TNFSF4: variants seen among roughly 807,000 people sequenced by gnomAD.
The protein encoded by TNFSF4 is tumor necrosis factor ligand superfamily member 4.
A neutral mutation model predicts 7.3 loss-of-function variants in TNFSF4; 4 were observed. The ratio of observed to expected loss-of-function variants is 0.55; its 90% CI spans 0.27 to 1.25. The LOEUF (loss-of-function observed/expected upper bound fraction) is 1.25. Among genes scored for constraint, TNFSF4 ranks in the 50% most tolerant of loss-of-function variants. The pLI is 0.12. For synonymous variants in TNFSF4, 76 were observed against 83.7 expected (o/e 0.91, Z 0.50); for missense variants, 181 against 208.8 (o/e 0.87, Z 0.82).
At chr1:173,187,056 A>G (rs1649260922) in intron 2 of TNFSF4, among the ~76,000 whole-genome samples, 191 bp from the exon 3 acceptor site, 1 of 147,182 alleles carries the variant, frequency 6.8e-6, no homozygotes. Context: ...GTCTCAAACA[A>G]AAAAAAAAAA....
chr1:173,350,773 G>C, the TNFSF4 span, among the ~76,000 whole-genome samples: 18 of 152,168 alleles, frequency 1.2e-4, no homozygotes, highest in Admixed American at 5.2e-4. Flanking sequence ...GTCTCACACT[G>C]GCAATTCAAT....
the TNFSF4 span, among the ~76,000 whole-genome samples, chr1:173,239,756 C>T: frequency 7.2e-5 from 11 of 152,078 alleles, no homozygotes; most frequent in Non-Finnish European, 1.5e-4. Flanking sequence ...TGGGACCGGG[C>T]ACAGTGGCTC....
the TNFSF4 span, among the ~76,000 whole-genome samples, chr1:173,431,860 C>T: frequency 6.6e-6 from 1 of 152,204 alleles, no homozygotes; most frequent in South Asian, 2.1e-4. Flanking sequence ...GAGTTCTCCT[C>T]CAGCCTCACT....
the TNFSF4 span, among the ~76,000 whole-genome samples, chr1:173,247,219 A>G: frequency 6.6e-6 from 1 of 152,202 alleles, no homozygotes; most frequent in African/African-American, 2.4e-5. Flanking sequence ...CCTGTCACTG[A>G]GTATCACTGC....
At chr1:173,315,498 G>A in the TNFSF4 span, among the ~76,000 whole-genome samples, 2 of 152,018 alleles carry the variant, frequency 1.3e-5, no homozygotes, top group Middle Eastern at 3.2e-3. Context: ...TTCAATAAAA[G>A]ACTACTGAAG....
the TNFSF4 span, among the ~76,000 whole-genome samples, chr1:173,333,240 G>A: frequency 2.6e-5 from 4 of 152,172 alleles, no homozygotes; most frequent in African/African-American, 9.6e-5. Flanking sequence ...GTTTCTGGAT[G>A]AATTAACACT....
the TNFSF4 span, among the ~76,000 whole-genome samples, chr1:173,222,690 GA>G: frequency 6.6e-6 from 1 of 152,232 alleles, no homozygotes; most frequent in African/African-American, 2.4e-5. Flanking sequence ...GAACTACAAT[GA>G]AAAATGAGTG....
chr1:173,222,182 G>C, the TNFSF4 span, among the ~76,000 whole-genome samples: 1 of 143,206 alleles, frequency 7.0e-6, no homozygotes, highest in Non-Finnish European at 1.5e-5. Context: ...TTATTATTTT[G>C]ACTACAGATC....
chr1:173,376,954 A>T, the TNFSF4 span, among the ~76,000 whole-genome samples: 8 of 152,150 alleles, frequency 5.3e-5, no homozygotes, highest in South Asian at 2.1e-4. Flanking sequence ...CACTTTTAAG[A>T]GCTGTAACAC....
chr1:173,259,442 A>G, the TNFSF4 span, among the ~76,000 whole-genome samples: 1 of 152,224 alleles, frequency 6.6e-6, no homozygotes, highest in Non-Finnish European at 1.5e-5. Flanking sequence ...CTTCTCCTCC[A>G]AATGATCACA....
the TNFSF4 span, among the ~76,000 whole-genome samples, chr1:173,376,550 A>G: frequency 6.6e-6 from 1 of 152,148 alleles, no homozygotes; most frequent in African/African-American, 2.4e-5. Flanking sequence ...AATTGTAAAC[A>G]CACCAATCAG....
chr1:173,277,446 G>T, the TNFSF4 span, among the ~76,000 whole-genome samples: 1 of 152,088 alleles, frequency 6.6e-6, no homozygotes, highest in East Asian at 1.9e-4. Flanking sequence ...TATTTCTAGG[G>T]TGTCCTCAGA....
chr1:173,408,411 T>C, the TNFSF4 span, among the ~76,000 whole-genome samples: 2 of 152,226 alleles, frequency 1.3e-5, no homozygotes, highest in East Asian at 1.9e-4. Context: ...ATATAAATAA[T>C]TGATTGATTA....
the TNFSF4 span, among the ~76,000 whole-genome samples, chr1:173,348,188 G>A: frequency 9.2e-5 from 14 of 152,198 alleles, no homozygotes; most frequent in Admixed American, 6.5e-5. Flanking sequence ...ATTCCCTCAT[G>A]TTGTGGGAGG....
At chr1:173,444,413 T>C in the TNFSF4 span, among the ~76,000 whole-genome samples, 19 of 152,144 alleles carry the variant, frequency 1.2e-4, no homozygotes, top group African/African-American at 4.3e-4. Context: ...GTTTGGATAA[T>C]TTATAAAATG....
chr1:173,286,919 C>CA, the TNFSF4 span, among the ~76,000 whole-genome samples: 7 of 151,960 alleles, frequency 4.6e-5, no homozygotes, highest in East Asian at 1.4e-3. Flanking sequence ...ATCCAATGGA[C>CA]AAAAAAGCCA....
the TNFSF4 span, among the ~76,000 whole-genome samples, chr1:173,328,476 C>T: frequency 6.6e-6 from 1 of 151,064 alleles, no homozygotes; most frequent in Non-Finnish European, 1.5e-5. Context: ...GCACGTTGTG[C>T]ACATGTACCC....
At chr1:173,363,817 G>T in the TNFSF4 span, 1 of 164,822 alleles carries the variant, frequency 6.1e-6, no homozygotes. Flanking sequence ...GCCCACCAGG[G>T]GTGATCCTAA....
At chr1:173,407,239 G>A in the TNFSF4 span, among the ~76,000 whole-genome samples, 1 of 152,026 alleles carries the variant, frequency 6.6e-6, no homozygotes, top group Non-Finnish European at 1.5e-5. Flanking sequence ...CAGAACCTGA[G>A]GGTAGATCAA....
Sources: gnomAD v4.1 joint callset for allele counts (sites outside exome capture counted in the v4.1 genomes callset) on GRCh38, gnomAD v4.1.1 for gene constraint, MANE v1.5 for transcripts, NCBI Gene and HGNC (gene_info 2026-07-23, HGNC 2026-07-21) for gene names.